CSMD1: variants seen among roughly 807,000 people sequenced by gnomAD.
The protein encoded by CSMD1 is CUB and Sushi multiple domains 1.
In CSMD1, 213 loss-of-function variants were observed where a neutral mutation model predicts 417.5. That is an observed-to-expected ratio of 0.51 (90% CI 0.46 to 0.57). The LOEUF (loss-of-function observed/expected upper bound fraction) is 0.57. Ranked by LOEUF, CSMD1 falls within the 20% of genes least tolerant of loss-of-function variation. CSMD1 has a pLI of 0.00. For missense variants in CSMD1, 6,923 were observed against 4,529.7 expected (o/e 1.53, Z -15.17); for synonymous variants, 2,862 against 1,736.8 (o/e 1.65, Z -16.11).
At chr8:4,804,641 A>G (rs891180226) in intron 1 of CSMD1, among the ~76,000 whole-genome samples, 1 of 152,116 alleles carries the variant, frequency 6.6e-6, no homozygotes. Context: ...GAGAGAGATA[A>G]TATTACAAAG....
chr8:4,527,982 C>A (rs1383379800), intron 2 of CSMD1, among the ~76,000 whole-genome samples: 2 of 152,160 alleles, frequency 1.3e-5, no homozygotes, highest in African/African-American at 4.8e-5. Context: ...TCTATAGAAT[C>A]CATGGCTCTC....
At chr8:3,869,535 C>G (rs961050003) in intron 5 of CSMD1, among the ~76,000 whole-genome samples, 3 of 152,136 alleles carry the variant, frequency 2.0e-5, no homozygotes, top group African/African-American at 7.2e-5. Context: ...TTTATCATTT[C>G]TTCCTGAGAG....
At chr8:3,775,618 G>T (rs1459354624) in intron 5 of CSMD1, among the ~76,000 whole-genome samples, 1 of 152,130 alleles carries the variant, frequency 6.6e-6, no homozygotes, top group Non-Finnish European at 1.5e-5. Context: ...GTAAATTGTT[G>T]GGACTCATGT....
chr8:2,989,150 T>C (rs17078960), intron 54 of CSMD1, among the ~76,000 whole-genome samples: 5,391 of 152,316 alleles, frequency 0.035, 230 homozygotes, highest in African/African-American at 0.1. Context: ...AATCAGACCA[T>C]ATTGCAGTAA....
intron 12 of CSMD1, among the ~76,000 whole-genome samples, chr8:3,430,861 T>C (rs1298685242): frequency 6.6e-6 from 1 of 152,164 alleles, no homozygotes; most frequent in African/African-American, 2.4e-5. Context: ...TAAGATAGGT[T>C]CTATTGTTTA....
chr8:3,280,354 A>C (rs1026430971), intron 26 of CSMD1, among the ~76,000 whole-genome samples: 1 of 152,238 alleles, frequency 6.6e-6, no homozygotes, highest in South Asian at 2.1e-4. Flanking sequence ...GTCAGTCTCA[A>C]AGCATTAGAG....
At chr8:3,989,028 T>C (rs1389186467) in intron 5 of CSMD1, among the ~76,000 whole-genome samples, 1 of 152,212 alleles carries the variant, frequency 6.6e-6, no homozygotes, top group Non-Finnish European at 1.5e-5. Flanking sequence ...CACATTCTAT[T>C]TCAAAAAGTT....
At chr8:3,838,863 T>A (rs1473683066) in intron 5 of CSMD1, among the ~76,000 whole-genome samples, 1 of 118,278 alleles carries the variant, frequency 8.5e-6, no homozygotes, top group African/African-American at 3.4e-5. Flanking sequence ...ATATATACTA[T>A]TAATTATATA....
intron 1 of CSMD1, among the ~76,000 whole-genome samples, chr8:4,740,094 G>T (rs1198017618): frequency 6.6e-6 from 1 of 152,010 alleles, no homozygotes; most frequent in Non-Finnish European, 1.5e-5. Flanking sequence ...ATGGCTCTCT[G>T]TCTCTACTGC....
At chr8:3,141,696 G>C (rs1174434460) in intron 41 of CSMD1, among the ~76,000 whole-genome samples, 1 of 151,982 alleles carries the variant, frequency 6.6e-6, no homozygotes, top group Non-Finnish European at 1.5e-5. Context: ...TCGCACTCGG[G>C]AACAGCAGAC....
At chr8:3,218,685 A>G (rs1798025503) in intron 29 of CSMD1, among the ~76,000 whole-genome samples, 2 of 152,176 alleles carry the variant, frequency 1.3e-5, no homozygotes, top group East Asian at 1.9e-4. Context: ...CAGCCTGACC[A>G]ATATGATGAA....
chr8:3,600,598 C>A (rs1801315994), intron 8 of CSMD1, among the ~76,000 whole-genome samples: 1 of 152,046 alleles, frequency 6.6e-6, no homozygotes, highest in Non-Finnish European at 1.5e-5. Context: ...TCTACGATGG[C>A]AAGCAAGTAT....
chr8:3,314,595 C>G (rs1219074300), intron 23 of CSMD1, among the ~76,000 whole-genome samples: 3 of 152,122 alleles, frequency 2.0e-5, no homozygotes, highest in African/African-American at 7.2e-5. Flanking sequence ...TCTTTGTTTT[C>G]TAGTGATTTC....
chr8:4,168,292 G>A (rs977292227), intron 3 of CSMD1, among the ~76,000 whole-genome samples: 6 of 151,784 alleles, frequency 4.0e-5, no homozygotes, highest in East Asian at 3.9e-4. Context: ...TACACAGGAG[G>A]CTGAGGCAGA....
At chr8:4,843,842 C>G (rs1368687618) in intron 1 of CSMD1, among the ~76,000 whole-genome samples, 1 of 152,114 alleles carries the variant, frequency 6.6e-6, no homozygotes, top group Non-Finnish European at 1.5e-5. Context: ...AGAGCTGAAC[C>G]CTGAATTTGG....
chr8:3,635,437 G>C (rs946290083), intron 7 of CSMD1, among the ~76,000 whole-genome samples: 3 of 151,164 alleles, frequency 2.0e-5, no homozygotes, highest in Non-Finnish European at 4.4e-5. Context: ...TGAGCCGAGA[G>C]TGCACCACTA....
intron 8 of CSMD1, among the ~76,000 whole-genome samples, chr8:3,614,274 G>A (rs1352217794): frequency 6.6e-6 from 1 of 151,994 alleles, no homozygotes; most frequent in South Asian, 2.1e-4. Context: ...TCTGAGATAA[G>A]ATTCTACAGA....
intron 25 of CSMD1, among the ~76,000 whole-genome samples, chr8:3,287,752 G>C (rs1803266533): frequency 6.6e-6 from 1 of 151,996 alleles, no homozygotes; most frequent in Non-Finnish European, 1.5e-5. Flanking sequence ...CTGCCAACAG[G>C]GACAATTTGA....
intron 3 of CSMD1, among the ~76,000 whole-genome samples, chr8:4,320,489 C>A (rs1399047856): frequency 6.6e-6 from 1 of 152,070 alleles, no homozygotes; most frequent in East Asian, 1.9e-4. Context: ...GATATTTTTC[C>A]TAATGCTATT....
Sources: gnomAD v4.1 joint callset for allele counts (sites outside exome capture counted in the v4.1 genomes callset) on GRCh38, gnomAD v4.1.1 for gene constraint, MANE v1.5 for transcripts, NCBI Gene and HGNC (gene_info 2026-07-23, HGNC 2026-07-21) for gene names.